The following LPP variants were observed in gnomAD, a reference collection of about 807,000 sequenced individuals.
The protein encoded by LPP is lipoma-preferred partner.
A neutral mutation model predicts 60.4 loss-of-function variants in LPP; 38 were observed. The observed-to-expected ratio is 0.63, with a 90% CI of 0.49 to 0.83. The LOEUF (loss-of-function observed/expected upper bound fraction) is 0.83, where lower values mean the gene tolerates loss of function less well. Ranked by LOEUF, LPP falls within the 40% of genes least tolerant of loss-of-function variation. LPP has a pLI of 0.00. For missense variants in LPP, 902 were observed against 783.6 expected, an observed-to-expected ratio of 1.15 and a Z score of -1.80; for synonymous variants, 328 against 290.8, an observed-to-expected ratio of 1.13 and a Z score of -1.30.
chr3:188,761,395 G>A (rs977761014), intron 9 of LPP, among the ~76,000 whole-genome samples: 1 of 152,110 alleles, frequency 6.6e-6, no homozygotes, highest in Non-Finnish European at 1.5e-5. Context: ...ATATGGCTTT[G>A]CATCTGTCTT....
intron 3 of LPP, among the ~76,000 whole-genome samples, chr3:188,397,768 T>C (rs112218540): frequency 0.036 from 5,499 of 152,064 alleles, 330 homozygotes; most frequent in African/African-American, 0.13. Context: ...TGTGCACCTC[T>C]GTGCTCGGCT....
At chr3:188,871,315 G>A (rs1304730868) in intron 10 of LPP, among the ~76,000 whole-genome samples, 1 of 152,082 alleles carries the variant, frequency 6.6e-6, no homozygotes, top group Non-Finnish European at 1.5e-5. Context: ...GCAATTTTTT[G>A]CCACTGAATA....
At chr3:188,236,769 T>G (rs900588830) in intron 2 of LPP, among the ~76,000 whole-genome samples, 6 of 152,198 alleles carry the variant, frequency 3.9e-5, no homozygotes, top group African/African-American at 9.7e-5. Flanking sequence ...ATCTGAACTT[T>G]CAGTGAGTCC....
At chr3:188,573,204 AG>A (rs1477816298) in intron 6 of LPP, among the ~76,000 whole-genome samples, 1 of 152,144 alleles carries the variant, frequency 6.6e-6, no homozygotes, top group Non-Finnish European at 1.5e-5. Context: ...AAGGCACAAA[AG>A]GGTAGACCAA....
chr3:188,457,511 T>G (rs1000906668), intron 4 of LPP, among the ~76,000 whole-genome samples: 7 of 151,994 alleles, frequency 4.6e-5, no homozygotes, highest in African/African-American at 1.7e-4. Flanking sequence ...TCACTATCAT[T>G]GGTCTAAGCG....
At chr3:188,235,489 T>C (rs545135704) in intron 2 of LPP, among the ~76,000 whole-genome samples, 1 of 152,310 alleles carries the variant, frequency 6.6e-6, no homozygotes, top group South Asian at 2.1e-4. Context: ...AGGTCCTCCC[T>C]GTCTTAAGAG....
intron 7 of LPP, among the ~76,000 whole-genome samples, chr3:188,661,792 G>A (rs900764021): frequency 1.3e-5 from 2 of 152,176 alleles, no homozygotes; most frequent in South Asian, 4.1e-4. Context: ...CTCATCTATA[G>A]CATGTCTTCA....
Position 188,515,726 on chromosome 3 carries a change from A to G in LPP, c.307-8939A>G, listed in dbSNP as rs538460548. Among the ~76,000 whole-genome samples the G allele has an allele frequency of 6.6e-5, 10 of 152,266 alleles. No individual in the cohort carries two copies. In the South Asian group the frequency reaches 2.1e-3, roughly 32 times the overall value. On this transcript the variant is annotated intron_variant, in intron 5 of 11. Coordinates refer to ENST00000617246, the MANE Select transcript of LPP (RefSeq NM_001375462.1). ...GAGAAGATGTCCTTCTCGGATATTAATAAGACTTGAGTTTAGGCCTGGTTT... is the reference window on the plus strand; with the variant it reads ...GAGAAGATGTCCTTCTCGGATATTAGTAAGACTTGAGTTTAGGCCTGGTTT...
In LPP at chr3:188,883,832, A is replaced by G. The variant is rs1271804320; in HGVS notation, c.*9353A>G. The G allele has an allele frequency of 4.6e-6, 1 of 218,204 alleles. No homozygotes were observed. The highest frequency in any genetic ancestry group is 2.2e-5 in the African/African-American group (1 of 44,574). 13.5% of individuals were successfully genotyped at this position (218,204 alleles called of 1,614,324 possible). ...AGCAAAAGATAGTGGTATTGCCGAA[A>G]ACTCATTATTTCTAGTTAGTTCATC... On this transcript the variant is annotated 3_prime_UTR_variant, in exon 12 of 12. Coordinates refer to ENST00000617246, the MANE Select transcript of LPP (RefSeq NM_001375462.1).
At chr3:188,277,144 T>C (rs1205340883) in intron 2 of LPP, among the ~76,000 whole-genome samples, 2 of 152,060 alleles carry the variant, frequency 1.3e-5, no homozygotes, top group Admixed American at 1.3e-4. Context: ...CCTCAAGTGA[T>C]CCACCCGCCT....
intron 6 of LPP, among the ~76,000 whole-genome samples, chr3:188,547,641 T>C (rs1051408322): frequency 1.3e-5 from 2 of 152,232 alleles, no homozygotes; most frequent in African/African-American, 4.8e-5. Flanking sequence ...ACCTGATATA[T>C]AGTGAAATTG....
chr3:188,448,308 C>T (rs887816163), intron 4 of LPP, among the ~76,000 whole-genome samples: 7 of 145,444 alleles, frequency 4.8e-5, no homozygotes, highest in African/African-American at 1.8e-4. Flanking sequence ...ATTCTCATTT[C>T]CCTGGGTTTT....
In LPP at chr3:188,886,382, T is replaced by C. The variant is rs1353448028; in HGVS notation, c.*11903T>C. 1 of 176,130 alleles carries C rather than the reference T, an allele frequency of 5.7e-6. No homozygotes were observed. The allele number at this position is 176,130 out of a possible 1,614,324, so 10.9% of individuals were successfully genotyped here. ...CTTGATGAATATTGTGGCCAGTGAG[T>C]GGAAAATGATTCTTGTCGAATAGAC... is the stretch of plus-strand genomic sequence containing the variant. On this transcript the variant is annotated 3_prime_UTR_variant, in exon 12 of 12. Transcript: ENST00000617246.
chr3:188,402,165 T>TG (rs1782402631), intron 3 of LPP, among the ~76,000 whole-genome samples: 1 of 152,084 alleles, frequency 6.6e-6, no homozygotes, highest in Non-Finnish European at 1.5e-5. Context: ...AACCAGATAA[T>TG]TCCAGTGTAG....
chr3:188,362,791 TTGTC>T (rs1769893931), intron 3 of LPP, among the ~76,000 whole-genome samples: 1 of 152,204 alleles, frequency 6.6e-6, no homozygotes, highest in Non-Finnish European at 1.5e-5. Context: ...GCTTCCAGGT[TTGTC>T]TGAGGATGCA....
At chr3:188,365,130 T>C (rs77637143) in intron 3 of LPP, among the ~76,000 whole-genome samples, 1 of 151,872 alleles carries the variant, frequency 6.6e-6, no homozygotes, top group Non-Finnish European at 1.5e-5. Flanking sequence ...TTTTTTTTTT[T>C]TCTGGTGACC....
intron 1 of LPP, among the ~76,000 whole-genome samples, chr3:188,186,581 T>C (rs1726661765): frequency 7.6e-6 from 1 of 131,230 alleles, no homozygotes; most frequent in Non-Finnish European, 1.7e-5. Flanking sequence ...GAAATAATTT[T>C]TTTCTAAGTT....
chr3:188,699,866 A>G (rs188173438), intron 7 of LPP, among the ~76,000 whole-genome samples: 19 of 152,314 alleles, frequency 1.2e-4, no homozygotes, highest in African/African-American at 4.6e-4. Flanking sequence ...AGAGTAGAGT[A>G]TAATTCAGTG....
In LPP at chr3:188,714,132, CTAA is replaced by C. The variant is rs368283104; in HGVS notation, c.1240+5744_1240+5746del. 2.1e-4 allele frequency among the ~76,000 whole-genome samples: 32 copies of C among 152,236 alleles called. 1 individual carries two copies. Among genetic ancestry groups the C allele is most frequent in the South Asian group, 1.7e-3 (8 of 4,822 alleles). ...CAGTGAGTTGTTCAAGCTCACATAG[CTAA>C]TAATTTTGGAATTTGGCCTCACTCT... is the stretch of plus-strand genomic sequence containing the variant. On this transcript the variant is annotated intron_variant, in intron 8 of 11. Transcript: ENST00000617246.
Sources: allele counts gnomAD v4.1 joint callset (sites outside exome capture counted in the v4.1 genomes callset), GRCh38; gene constraint gnomAD v4.1.1; transcripts MANE v1.5; gene names NCBI Gene and HGNC (gene_info 2026-07-23, HGNC 2026-07-21).